PDE10A: variants seen among roughly 807,000 people sequenced by gnomAD.
The protein encoded by PDE10A is phosphodiesterase 10A, also known as cAMP and cAMP-inhibited cGMP 3',5'-cyclic phosphodiesterase 10A.
Under a neutral mutation model 97.7 loss-of-function variants are expected in PDE10A, and 39 were observed. The observed-to-expected ratio is 0.40, with a 90% CI of 0.31 to 0.52. The LOEUF (loss-of-function observed/expected upper bound fraction) is 0.52. Among genes scored for constraint, PDE10A ranks in the 20% least tolerant of loss-of-function variants. The pLI is 0.56. For synonymous variants in PDE10A, 371 were observed against 376.8 expected, an observed-to-expected ratio of 0.98 and a Z score of 0.18; for missense variants, 731 against 1,047.8, an observed-to-expected ratio of 0.70 and a Z score of 4.17.
intron 1 of PDE10A, among the ~76,000 whole-genome samples, chr6:165,831,385 A>AC (rs1779910299): frequency 6.7e-6 from 1 of 149,856 alleles, no homozygotes; most frequent in African/African-American, 2.4e-5. Flanking sequence ...AAAAAAAAAA[A>AC]AAAAAAAAAA....
chr6:165,861,729 G>A (rs12214746), intron 1 of PDE10A, among the ~76,000 whole-genome samples: 4 of 152,044 alleles, frequency 2.6e-5, no homozygotes, highest in Non-Finnish European at 5.9e-5. Context: ...CATGGGAGCC[G>A]AGGGGCTGCG....
Position 165,576,033 on chromosome 6 carries a change from C to T in PDE10A, c.866-32465G>A, listed in dbSNP as rs529314085. On this transcript the variant is annotated intron_variant, in intron 1 of 21. Transcript: ENST00000539869. ...GTTAGTTTCTTGGAAATTTCTCCTACATAACATGGTAAAGCAGGTCATTTA... is the reference window on the plus strand; with the variant it reads ...GTTAGTTTCTTGGAAATTTCTCCTATATAACATGGTAAAGCAGGTCATTTA... Among the ~76,000 whole-genome samples, 10 of 152,318 alleles carry T rather than the reference C, an allele frequency of 6.6e-5. No homozygotes were observed. In the South Asian group the frequency reaches 1.5e-3, roughly 22 times the overall value.
At chr6:165,757,408 T>C (rs976808696) in intron 1 of PDE10A, among the ~76,000 whole-genome samples, 1 of 152,216 alleles carries the variant, frequency 6.6e-6, no homozygotes, top group Non-Finnish European at 1.5e-5. Context: ...GTATTAATCA[T>C]ACATTTTATG....
upstream of PDE10A, among the ~76,000 whole-genome samples, chr6:165,666,792 G>A (rs1324445272): frequency 2.6e-5 from 4 of 152,176 alleles, no homozygotes; most frequent in African/African-American, 9.7e-5. Flanking sequence ...ATATCAACAT[G>A]TTGGGGTAAG....
intron 1 of PDE10A, among the ~76,000 whole-genome samples, chr6:165,806,840 C>A (rs1779156809): frequency 1.3e-5 from 2 of 152,178 alleles, no homozygotes; most frequent in Non-Finnish European, 2.9e-5. Flanking sequence ...TATTGGGGTT[C>A]ATTTAGTCAA....
chr6:165,828,417 TAAG>T (rs1326773789), intron 1 of PDE10A, among the ~76,000 whole-genome samples: 2 of 152,154 alleles, frequency 1.3e-5, no homozygotes, highest in Non-Finnish European at 1.5e-5. Context: ...GAAGTGTAAG[TAAG>T]TTTAAACAAA....
At chr6:165,691,062 ACTCTCTCTCTCTTTCT>A (rs1411714934) in intron 1 of PDE10A, among the ~76,000 whole-genome samples, 1 of 102,316 alleles carries the variant, frequency 9.8e-6, no homozygotes, top group African/African-American at 4.3e-5. Flanking sequence ...TTACAGTAAT[ACTCTCTCTCTCTTTCT>A]CTCTCTCTCT....
chr6:165,760,184 T>A (rs1286771026), intron 1 of PDE10A, among the ~76,000 whole-genome samples: 1 of 152,222 alleles, frequency 6.6e-6, no homozygotes, highest in African/African-American at 2.4e-5. Context: ...GTAGAGTTGA[T>A]ACAGCAAAAG....
At chr6:165,753,259 G>A (rs1229615639) in intron 1 of PDE10A, among the ~76,000 whole-genome samples, 1 of 152,176 alleles carries the variant, frequency 6.6e-6, no homozygotes, top group Non-Finnish European at 1.5e-5. Flanking sequence ...TGAATTTTCA[G>A]CAAATTAAAT....
At chr6:165,683,496 T>C (rs1791033051) in intron 1 of PDE10A, among the ~76,000 whole-genome samples, 1 of 152,208 alleles carries the variant, frequency 6.6e-6, no homozygotes, top group Admixed American at 6.5e-5. Flanking sequence ...CTACATATGC[T>C]GTGGGTGTGG....
At chr6:165,384,001 C>T (rs1241132549) in intron 17 of PDE10A, among the ~76,000 whole-genome samples, 36 of 152,076 alleles carry the variant, frequency 2.4e-4, no homozygotes, top group Admixed American at 2.4e-3. Context: ...CAGAGCAGAT[C>T]TGTAGTCCTG....
At chr6:165,797,305 G>C (rs1778856727) in intron 1 of PDE10A, among the ~76,000 whole-genome samples, 1 of 152,188 alleles carries the variant, frequency 6.6e-6, no homozygotes, top group Non-Finnish European at 1.5e-5. Context: ...CAATCAACAA[G>C]AGTTTTAGAA....
At chr6:165,398,891 A>G (rs1040984873) in intron 13 of PDE10A, among the ~76,000 whole-genome samples, 1 of 152,202 alleles carries the variant, frequency 6.6e-6, no homozygotes, top group African/African-American at 2.4e-5. Flanking sequence ...AGACTGTCAG[A>G]TTGAATAAAA....
chr6:165,679,910 G>A (rs1790929616), intron 1 of PDE10A, among the ~76,000 whole-genome samples: 1 of 152,086 alleles, frequency 6.6e-6, no homozygotes, highest in South Asian at 2.1e-4. Flanking sequence ...GGTGGGTGCT[G>A]TTGAGTACTC....
At chr6:165,636,336 G>A (rs563665691) in intron 1 of PDE10A, among the ~76,000 whole-genome samples, 2 of 152,152 alleles carry the variant, frequency 1.3e-5, no homozygotes, top group African/African-American at 4.8e-5. Flanking sequence ...TCAAAATAAA[G>A]TTACAATAAT....
intron 1 of PDE10A, among the ~76,000 whole-genome samples, chr6:165,716,914 TC>T (rs1186784517): frequency 1.3e-5 from 2 of 152,310 alleles, no homozygotes; most frequent in African/African-American, 4.8e-5. Flanking sequence ...TTCACACTGA[TC>T]AGCCGTCACC....
intron 3 of PDE10A, among the ~76,000 whole-genome samples, chr6:165,473,049 T>C (rs1346898612): frequency 6.6e-6 from 1 of 152,218 alleles, no homozygotes; most frequent in East Asian, 1.9e-4. Flanking sequence ...AACCAGTCTA[T>C]GAAAATTTTA....
At chr6:165,566,953 T>G (rs1784806617) in intron 1 of PDE10A, among the ~76,000 whole-genome samples, 1 of 152,200 alleles carries the variant, frequency 6.6e-6, no homozygotes, top group South Asian at 2.1e-4. Context: ...ATTACACCCT[T>G]AAAAGTGCAT....
At chr6:165,634,967 G>A (rs186347494) in intron 1 of PDE10A, among the ~76,000 whole-genome samples, 4 of 152,260 alleles carry the variant, frequency 2.6e-5, no homozygotes, top group East Asian at 1.9e-4. Flanking sequence ...TTTATATAGC[G>A]ACCATCGCTC....
Sources: gnomAD v4.1 joint callset for allele counts (sites outside exome capture counted in the v4.1 genomes callset) on GRCh38, gnomAD v4.1.1 for gene constraint, MANE v1.5 for transcripts, NCBI Gene and HGNC (gene_info 2026-07-23, HGNC 2026-07-21) for gene names.